Variants in RNF213 observed in about 807,000 individuals in gnomAD.
RNF213 encodes the protein ring finger protein 213, also known as E3 ubiquitin-protein ligase RNF213.
RNF213 carries 341 observed loss-of-function variants against 514.4 expected under a neutral mutation model. The observed-to-expected ratio is 0.66, with a 90% CI of 0.61 to 0.73. The LOEUF (loss-of-function observed/expected upper bound fraction) is 0.73, where lower values mean the gene tolerates loss of function less well. Ranked by LOEUF, RNF213 falls within the 30% of genes least tolerant of loss-of-function variation. The pLI is 0.00. For synonymous variants in RNF213, 2,655 were observed against 2,658.2 expected (o/e 1.00, Z 0.04); for missense variants, 5,767 against 6,615.6 (o/e 0.87, Z 4.45).
chr17:80,310,664 T>A (rs890705077), intron 14 of RNF213, among the ~76,000 whole-genome samples: 1 of 152,168 alleles, frequency 6.6e-6, no homozygotes, highest in Non-Finnish European at 1.5e-5. Context: ...GTGATTCTCC[T>A]GCCTCAGCCT....
At position 80,345,094 on chromosome 17, in the gene RNF213, C is replaced by T; in HGVS notation, c.6759C>T (p.Thr2253=). The part of the protein sequence containing the change: ...TLRGFKKFVV[T]FMIFMARDFA... ...GGGGCTTCAAGAAGTTCGTGGTGAC[C>T]TTCATGATCTTTATGGCAAGAGATT... The change falls in exon 29 of 68, where the codon ACC becomes ACT. Residue 2253 remains threonine, a synonymous_variant. Coordinates refer to ENST00000582970, the MANE Select transcript of RNF213 (RefSeq NM_001256071.3). This position sits in a 1 kb window ranked among gnomAD's most constrained non-coding sequence, Gnocchi z 6.0. 6.2e-7 allele frequency: 1 copy of T among 1,614,108 alleles called. No homozygotes were observed. Among genetic ancestry groups the T allele is most frequent in the East Asian group, 2.2e-5 (1 of 44,886 alleles).
chr17:80,383,681 T>C lies in RNF213; in HGVS notation c.14075T>C (p.Leu4692Pro). The change falls in exon 59 of 68, where the codon CTA (leucine) becomes CCA (proline). Residue 4692 changes from leucine (L) to proline (P), a missense_variant. Transcript: ENST00000582970. ...AAVISPELEHLDKTLPTMNNL... is the reference protein window; with the variant it reads ...AAVISPELEHPDKTLPTMNNL... Reference sequence around the variant, plus strand: ...TTTTTCATTTTCTCCATCCAGCATCTAGATAAAACCCTTCCCACCATGAAT... The same window carrying C: ...TTTTTCATTTTCTCCATCCAGCATCCAGATAAAACCCTTCCCACCATGAAT... 6.2e-7 allele frequency: 1 copy of C among 1,613,952 alleles called. No homozygotes were observed.
At chr17:80,366,069 G>A (rs528139386) in intron 42 of RNF213, among the ~76,000 whole-genome samples, 84 of 152,204 alleles carry the variant, frequency 5.5e-4, no homozygotes, top group Non-Finnish European at 1.1e-3. Context: ...AGCCTGACTT[G>A]TACCCCTACC....
rs988358118 is a variant in RNF213 at position 80,396,121 on chromosome 17, A to G, written c.*2623A>G. 6.6e-6 allele frequency: 1 copy of G among 152,128 alleles called. No homozygotes were observed. Among genetic ancestry groups the G allele is most frequent in the Admixed American group, 6.5e-5 (1 of 15,276 alleles). 9.4% of individuals were successfully genotyped at this position (152,128 alleles called of 1,614,324 possible). A position where few individuals can be genotyped will look rare whatever the true frequency, so the allele number is the denominator to read the frequency against. On this transcript the variant is annotated 3_prime_UTR_variant, in exon 68 of 68. Transcript: ENST00000582970. ...CTTCTCTTTGAGACCTGACTGAAAA[A>G]ATTAGGTGTGCACACCTGTAATCCC...
At chr17:80,384,359 C>T (rs1445438417) in intron 59 of RNF213, among the ~76,000 whole-genome samples, 1 of 152,186 alleles carries the variant, frequency 6.6e-6, no homozygotes, top group Non-Finnish European at 1.5e-5. Flanking sequence ...GGGTGTGTGC[C>T]GGCGGTGCTG....
intron 3 of RNF213, among the ~76,000 whole-genome samples, chr17:80,282,590 G>A (rs2044339917): frequency 6.6e-6 from 1 of 152,040 alleles, no homozygotes; most frequent in African/African-American, 2.4e-5. Context: ...TGTAGAGATG[G>A]GGTTTCACCG....
At chr17:80,357,105 C>A (rs889109331) in intron 36 of RNF213, among the ~76,000 whole-genome samples, 3 of 151,896 alleles carry the variant, frequency 2.0e-5, no homozygotes, top group Non-Finnish European at 4.4e-5. Flanking sequence ...TTAGTAGAGA[C>A]GGGATTTCAC....
intron 50 of RNF213, chr17:80,374,817 T>A: frequency 1.9e-6 from 1 of 533,218 alleles, no homozygotes; most frequent in East Asian, 3.4e-5. Context: ...GTTGACAGAT[T>A]TGCTGTGTCT....
intron 3 of RNF213, chr17:80,278,630 G>A: frequency 7.2e-6 from 8 of 1,109,640 alleles, no homozygotes; most frequent in Non-Finnish European, 1.0e-5. Context: ...GCTGGTCAGT[G>A]CCCACATGTG....
At chr17:80,293,624 C>T (rs1255335810) in intron 8 of RNF213, among the ~76,000 whole-genome samples, 1 of 151,816 alleles carries the variant, frequency 6.6e-6, no homozygotes, top group Non-Finnish European at 1.5e-5. Flanking sequence ...GAGATCAAGA[C>T]CATCCTGGCT....
intron 3 of RNF213, among the ~76,000 whole-genome samples, chr17:80,283,267 G>C (rs1398981305): frequency 2.6e-5 from 4 of 152,144 alleles, no homozygotes; most frequent in Non-Finnish European, 5.9e-5. Flanking sequence ...CTCAGGGCCA[G>C]GTGGCAGTTC....
At chr17:80,291,112 T>C (rs1229579856) in intron 7 of RNF213, among the ~76,000 whole-genome samples, 1 of 152,158 alleles carries the variant, frequency 6.6e-6, no homozygotes, top group Non-Finnish European at 1.5e-5. Flanking sequence ...GCGCCCAGCC[T>C]TTAAATAATT....
intron 14 of RNF213, among the ~76,000 whole-genome samples, chr17:80,310,934 C>T (rs1455435992): frequency 6.6e-6 from 1 of 152,054 alleles, no homozygotes; most frequent in East Asian, 1.9e-4. Flanking sequence ...TAACTTTCTT[C>T]CTTTCAGTTT....
rs146472104 is a variant in RNF213, at chr17:80,268,828, T to C, written c.98-4413T>C. On this transcript the variant is annotated intron_variant, in intron 2 of 67. Transcript: ENST00000582970. ...AAGAAAGGGAGTGTATTATGGAGAA[T>C]TGGCTCACACAATCACAAGGTGAAG... Among the ~76,000 whole-genome samples, 694 of 152,286 alleles carry C rather than the reference T, an allele frequency of 4.6e-3. 7 individuals are homozygous for C. The highest frequency in any genetic ancestry group is 0.016 in the African/African-American group (646 of 41,570).
intron 11 of RNF213, among the ~76,000 whole-genome samples, chr17:80,299,533 A>AGTTT (rs2045095639): frequency 7.6e-6 from 1 of 131,808 alleles, no homozygotes; most frequent in Admixed American, 7.5e-5. Context: ...TACCAGAGAA[A>AGTTT]GTTTATTTAT....
At chr17:80,359,898 A>G (rs983182930) in intron 37 of RNF213, among the ~76,000 whole-genome samples, 163 bp from the exon 38 acceptor site, 12 of 152,248 alleles carry the variant, frequency 7.9e-5, no homozygotes, top group Admixed American at 2.0e-4. Context: ...GTTCTGTCAT[A>G]ACAGAAACCC....
chr17:80,333,517 A>G (rs1455122697), intron 21 of RNF213, among the ~76,000 whole-genome samples: 1 of 149,560 alleles, frequency 6.7e-6, no homozygotes, highest in African/African-American at 2.5e-5. Context: ...AACATGGAGA[A>G]ACCCCATCTC....
intron 3 of RNF213, among the ~76,000 whole-genome samples, chr17:80,278,363 C>T (rs1263906750): frequency 6.6e-6 from 1 of 152,210 alleles, no homozygotes; most frequent in African/African-American, 2.4e-5. Context: ...CCGGGCCTGC[C>T]TATACCTTCT....
intron 28 of RNF213, 24 bp downstream of exon 28, chr17:80,344,039 C>T: frequency 6.2e-7 from 1 of 1,608,592 alleles, no homozygotes; most frequent in Non-Finnish European, 8.5e-7. Context: ...GGCGTTTTCG[C>T]CTGGCGTGGG....
Sources: gnomAD v4.1 joint callset for allele counts (sites outside exome capture counted in the v4.1 genomes callset) on GRCh38, gnomAD v4.1.1 for gene constraint, Gnocchi (gnomAD v3.1) non-coding constraint, MANE v1.5 for transcripts, NCBI Gene and HGNC (gene_info 2026-07-23, HGNC 2026-07-21) for gene names.